DOCK5: variants seen among roughly 807,000 people sequenced by gnomAD.
DOCK5 encodes dedicator of cytokinesis 5, also known as dedicator of cytokinesis protein 5.
DOCK5 carries 142 observed loss-of-function variants against 251.8 expected under a neutral mutation model. The observed-to-expected ratio is 0.56, with a 90% CI of 0.49 to 0.65. The LOEUF (loss-of-function observed/expected upper bound fraction) is 0.65, where lower values mean the gene tolerates loss of function less well. DOCK5 is among the 30% of genes least tolerant of loss of function. The pLI, the probability that DOCK5 is intolerant of heterozygous loss-of-function variation, is 0.00. For missense variants in DOCK5, 2,111 were observed against 2,312.3 expected (o/e 0.91, Z 1.79); for synonymous variants, 842 against 835.5 (o/e 1.01, Z -0.13).
chr8:25,337,825 T>C (rs1205759358), intron 22 of DOCK5, among the ~76,000 whole-genome samples: 1 of 151,622 alleles, frequency 6.6e-6, no homozygotes, highest in East Asian at 2.0e-4. Context: ...GACCTCGTGA[T>C]CCCCCCGCCT....
At chr8:25,199,330 A>C (rs1411927235) in intron 1 of DOCK5, among the ~76,000 whole-genome samples, 1 of 150,978 alleles carries the variant, frequency 6.6e-6, no homozygotes, top group Non-Finnish European at 1.5e-5. Context: ...ACTTAGGAAA[A>C]GTTTGAGTGA....
chr8:25,274,459 A>T (rs1803990988), intron 3 of DOCK5, among the ~76,000 whole-genome samples: 1 of 152,224 alleles, frequency 6.6e-6, no homozygotes, highest in Non-Finnish European at 1.5e-5. Flanking sequence ...AAGCTTTGGT[A>T]CACATAACAC....
rs372966275 is a variant in DOCK5 at position 25,308,798 on chromosome 8, C to T, written c.1065C>T (p.Thr355=). Residue 355 remains threonine (T), a synonymous_variant, in exon 12 of 52, where the codon ACC becomes ACT. Coordinates refer to ENST00000276440, the MANE Select transcript of DOCK5 (RefSeq NM_024940.8). The part of the protein sequence containing the change: ...FIPFQQIAME[T]YIRQRQLIMS... Reference sequence around the variant, plus strand: ...CTTTCCCAAGAATTGCGATGGAAACCTACATCCGCCAGAGGCAGCTCATCA... The same window carrying T: ...CTTTCCCAAGAATTGCGATGGAAACTTACATCCGCCAGAGGCAGCTCATCA... The T allele has an allele frequency of 6.2e-7, 1 of 1,613,868 alleles. No homozygotes were observed. Among genetic ancestry groups the T allele is most frequent in the Admixed American group, 1.7e-5 (1 of 60,010 alleles).
intron 26 of DOCK5, among the ~76,000 whole-genome samples, chr8:25,346,309 T>A (rs970033314): frequency 7.3e-5 from 11 of 151,690 alleles, no homozygotes; most frequent in Admixed American, 5.9e-4. Context: ...CTCTAAAAAA[T>A]AATAATAATA....
chr8:25,402,923 C>T (rs1441444951), intron 47 of DOCK5, among the ~76,000 whole-genome samples: 1 of 152,178 alleles, frequency 6.6e-6, no homozygotes, highest in African/African-American at 2.4e-5. Context: ...GTGCCTTCTT[C>T]CTAAGATTGT....
At chr8:25,369,704 G>A (rs1800839619) in intron 34 of DOCK5, 63 bp downstream of exon 34, 1 of 1,440,260 alleles carries the variant, frequency 6.9e-7, no homozygotes, top group East Asian at 2.5e-5. Flanking sequence ...GAAAAACAGG[G>A]GTCCTGTTTC....
intron 27 of DOCK5, among the ~76,000 whole-genome samples, chr8:25,354,086 A>T (rs1341742471): frequency 6.7e-6 from 1 of 149,166 alleles, no homozygotes; most frequent in African/African-American, 2.5e-5. Flanking sequence ...AAACTAGTCA[A>T]ATCACTTATA....
At chr8:25,280,979 T>G (rs1586290907) in intron 5 of DOCK5, among the ~76,000 whole-genome samples, 2 of 152,050 alleles carry the variant, frequency 1.3e-5, no homozygotes, top group Admixed American at 1.3e-4. Context: ...GGAGTTTTTT[T>G]TTTTTTTTTT....
chr8:25,290,114 C>T (rs535733386), intron 5 of DOCK5, among the ~76,000 whole-genome samples: 2 of 151,536 alleles, frequency 1.3e-5, no homozygotes, highest in Admixed American at 1.3e-4. Context: ...GCTGTCTTAC[C>T]TTCTCTGGAA....
chr8:25,265,661 C>G (rs1037576867), intron 2 of DOCK5, among the ~76,000 whole-genome samples: 3 of 151,716 alleles, frequency 2.0e-5, no homozygotes, highest in Admixed American at 6.6e-5. Flanking sequence ...TGAACTCTTG[C>G]TTTCCATTAT....
At position 25,325,348 on chromosome 8, in the gene DOCK5, A is replaced by G. The variant is rs1360572408; in HGVS notation, c.1720-16A>G. 1 of 1,611,356 alleles carries G rather than the reference A, an allele frequency of 6.2e-7. No homozygotes were observed. The highest frequency in any genetic ancestry group is 1.7e-5 in the Admixed American group (1 of 59,586). On this transcript the variant is annotated splice_polypyrimidine_tract_variant and intron_variant, in intron 17 of 51. Transcript: ENST00000276440. ...TTTTGGCCATCATTTGGTGTTCCTA[A>G]CATGCTTCCTTTTAGGGTGACAACA...
rs1800470789 is a variant in DOCK5, at chr8:25,351,668, G to A, written c.2755-63G>A. On this transcript the variant is annotated intron_variant, in intron 26 of 51. Transcript: ENST00000276440. ...CTAAAGACAAAACTCATCTATCTGAGGTTCCTTAAAGAAAGTGAAACTGAG... is the reference window on the plus strand; with the variant it reads ...CTAAAGACAAAACTCATCTATCTGAAGTTCCTTAAAGAAAGTGAAACTGAG... The A allele has an allele frequency of 2.3e-6, 3 of 1,302,660 alleles. No individual in the cohort carries two copies. In the African/African-American group the frequency reaches 4.4e-5, roughly 19 times the overall value. The allele number at this position is 1,302,660 out of a possible 1,614,324, so 80.7% of individuals were successfully genotyped here.
chr8:25,273,018 C>T (rs959088475), intron 3 of DOCK5, among the ~76,000 whole-genome samples: 1 of 152,130 alleles, frequency 6.6e-6, no homozygotes, highest in Admixed American at 6.5e-5. Context: ...TAGTTCCCAA[C>T]ATCCCAGTTT....
At chr8:25,375,720 T>C in intron 37 of DOCK5, 1 of 985,044 alleles carries the variant, frequency 1.0e-6, no homozygotes, top group Non-Finnish European at 1.2e-6. Context: ...TCCGAACATA[T>C]GAGTTAAAAA....
Position 25,406,517 on chromosome 8 carries a change from C to T in DOCK5, c.5094-1466C>T, listed in dbSNP as rs75443943. Reference sequence around the variant, plus strand: ...GTTTCTTAAATTATGCATTCTTTTCCGTTGATATAGGTATATTTACATAGC... The same window carrying T: ...GTTTCTTAAATTATGCATTCTTTTCTGTTGATATAGGTATATTTACATAGC... On this transcript the variant is annotated intron_variant, in intron 48 of 51. Transcript: ENST00000276440. 5.3e-5 allele frequency among the ~76,000 whole-genome samples: 8 copies of T among 152,168 alleles called. No individual in the cohort carries two copies. The East Asian group carries it at 5.8e-4, about 11-fold the overall frequency.
chr8:25,408,274 G>A, intron 49 of DOCK5, 120 bp downstream of exon 49: 1 of 1,123,566 alleles, frequency 8.9e-7, no homozygotes, highest in Non-Finnish European at 1.2e-6. Context: ...TCAGGACTCA[G>A]CAGCCTGGGT....
chr8:25,306,236 C>A (rs1804921152), intron 11 of DOCK5, among the ~76,000 whole-genome samples: 1 of 152,140 alleles, frequency 6.6e-6, no homozygotes, highest in South Asian at 2.1e-4. Flanking sequence ...TATATATTGA[C>A]CTTCCAAGAC....
In DOCK5 at chr8:25,343,442, G is replaced by A. The variant is rs17053421; in HGVS notation, c.2617+935G>A. On this transcript the variant is annotated intron_variant, in intron 25 of 51. Transcript: ENST00000276440. Reference sequence around the variant, plus strand: ...TTTAAGGAGAATCTAAAGTCAGCTCGGTATTTCCAACAGTTCCTAAAAGAG... The same window carrying A: ...TTTAAGGAGAATCTAAAGTCAGCTCAGTATTTCCAACAGTTCCTAAAAGAG... Among the ~76,000 whole-genome samples the A allele has an allele frequency of 6.4e-3, 979 of 152,164 alleles. 10 individuals are homozygous for A. Among genetic ancestry groups the A allele is most frequent in the African/African-American group, 0.022 (918 of 41,500 alleles).
rs755511798 is a variant in DOCK5 at position 25,190,775 on chromosome 8, G to GTTTTTTTTTTTTTTTTTTTTTTTTTTT, written c.43+5824_43+5825insTTTTTTTTTTTTTTTTTTTTTTTTTTT. Among the ~76,000 whole-genome samples the GTTTTTTTTTTTTTTTTTTTTTTTTTTT allele has an allele frequency of 1.1e-4, 6 of 53,978 alleles. 2 individuals carry two copies. Among genetic ancestry groups the GTTTTTTTTTTTTTTTTTTTTTTTTTTT allele is most frequent in the Non-Finnish European group, 2.0e-4 (6 of 30,060 alleles). 35.4% of individuals were successfully genotyped at this position (53,978 alleles called of 152,430 possible). A position where few individuals can be genotyped will look rare whatever the true frequency, so the allele number is the denominator to read the frequency against. ...AAGGCCTGGCCTTAACTTGGTCATG[G>GTTTTTTTTTTTTTTTTTTTTTTTTTTT]GTTTTTTTTTTTTTTTTTTTTTTTT... On this transcript the variant is annotated intron_variant, in intron 1 of 51. Coordinates refer to ENST00000276440, the MANE Select transcript of DOCK5 (RefSeq NM_024940.8).
Sources: allele counts gnomAD v4.1 joint callset (sites outside exome capture counted in the v4.1 genomes callset), GRCh38; gene constraint gnomAD v4.1.1; transcripts MANE v1.5; gene names NCBI Gene and HGNC (gene_info 2026-07-23, HGNC 2026-07-21).